The following TNNI3K variants were observed in gnomAD, a reference collection of about 807,000 sequenced individuals.
TNNI3K encodes TNNI3 interacting kinase, also known as serine/threonine-protein kinase TNNI3K.
In TNNI3K, 140 loss-of-function variants were observed where a neutral mutation model predicts 114.5. The observed-to-expected ratio is 1.22, with a 90% CI of 1.07 to 1.41. The LOEUF (loss-of-function observed/expected upper bound fraction) is 1.41, where lower values mean the gene tolerates loss of function less well. Among genes scored for constraint, TNNI3K ranks in the 40% most tolerant of loss-of-function variants. The pLI, the probability that TNNI3K is intolerant of heterozygous loss-of-function variation, is 0.00. For missense variants in TNNI3K, 1,125 were observed against 1,007.6 expected (o/e 1.12, Z -1.58); for synonymous variants, 347 against 347.5 (o/e 1.00, Z 0.02).
intron 5 of TNNI3K, among the ~76,000 whole-genome samples, chr1:74,282,916 G>A (rs1240158123): frequency 2.0e-5 from 3 of 151,998 alleles, no homozygotes; most frequent in East Asian, 1.9e-4. Flanking sequence ...GGAAAACATC[G>A]CAAGGGCCAA....
chr1:74,335,579 C>T (rs1359990829), intron 6 of TNNI3K, among the ~76,000 whole-genome samples: 2 of 152,078 alleles, frequency 1.3e-5, no homozygotes, highest in Non-Finnish European at 2.9e-5. Flanking sequence ...TTCCCCTTGC[C>T]CAGGGATTGG....
At chr1:74,482,318 G>A (rs990197977) in intron 21 of TNNI3K, among the ~76,000 whole-genome samples, 1 of 152,196 alleles carries the variant, frequency 6.6e-6, no homozygotes, top group African/African-American at 2.4e-5. Flanking sequence ...TTCTGTAAAT[G>A]AGAAGGGGGA....
chr1:74,310,391 T>C (rs1252235369), intron 5 of TNNI3K, among the ~76,000 whole-genome samples: 1 of 152,184 alleles, frequency 6.6e-6, no homozygotes, highest in African/African-American at 2.4e-5. Context: ...ATGTCCATAC[T>C]GCTCCAAGCA....
intron 23 of TNNI3K, among the ~76,000 whole-genome samples, chr1:74,510,136 G>A (rs1570721021): frequency 6.6e-6 from 1 of 150,908 alleles, no homozygotes; most frequent in East Asian, 1.9e-4. Flanking sequence ...ACTTAGAGAT[G>A]TTTAACTACA....
intron 21 of TNNI3K, chr1:74,475,928 G>A (rs1367709600): frequency 2.2e-6 from 1 of 464,580 alleles, no homozygotes; most frequent in African/African-American, 2.0e-5. Context: ...GAATGGGTAG[G>A]AAGTCCTTCA....
chr1:74,366,347 A>G (rs533285494), intron 11 of TNNI3K, among the ~76,000 whole-genome samples: 3 of 152,170 alleles, frequency 2.0e-5, no homozygotes, highest in African/African-American at 4.8e-5. Context: ...GTTTAATTTT[A>G]TTGAAAAACA....
At chr1:74,418,075 C>G (rs140719843) in intron 17 of TNNI3K, 6,112 of 390,080 alleles carry the variant, frequency 0.016, 64 homozygotes, top group Non-Finnish European at 0.022. Flanking sequence ...CTCTTACATT[C>G]AAGCAATGGA....
At chr1:74,451,426 A>AT (rs1306011681) in intron 20 of TNNI3K, among the ~76,000 whole-genome samples, 7 of 151,988 alleles carry the variant, frequency 4.6e-5, no homozygotes, top group Non-Finnish European at 1.0e-4. Context: ...TCAATGTCCA[A>AT]TTTTTTGCTA....
chr1:74,417,682 TTGTGTGTGTGTGTGTG>T (rs10529693), intron 17 of TNNI3K, among the ~76,000 whole-genome samples: 79,491 of 137,166 alleles, frequency 0.58, 24,504 homozygotes, highest in Admixed American at 0.7. Context: ...GTGTACGTGT[TTGTGTGTGTGTGTGTG>T]TGTGTGTGTG....
chr1:74,401,892 G>A (rs1363019124), intron 17 of TNNI3K: 6 of 453,568 alleles, frequency 1.3e-5, no homozygotes, highest in African/African-American at 1.0e-4. Flanking sequence ...ATCTGGAGGG[G>A]AGCTCATTAC....
Position 74,359,368 on chromosome 1 carries a change from T to G in TNNI3K, c.1177+5239T>G, listed in dbSNP as rs926716670. On this transcript the variant is annotated intron_variant, in intron 11 of 24. Coordinates refer to ENST00000326637, the MANE Select transcript of TNNI3K (RefSeq NM_015978.3). The stretch of plus-strand genomic sequence containing the variant: ...AATCGAATCCACATAACTCCCAAAT[T>G]TCATGGTCTTTCCTAATTTATAACA... Among the ~76,000 whole-genome samples, 3 of 151,882 alleles carry G rather than the reference T, an allele frequency of 2.0e-5. No homozygotes were observed. The South Asian group carries it at 6.2e-4, about 32-fold the overall frequency.
intron 17 of TNNI3K, chr1:74,371,349 G>C (rs1425954514): frequency 2.0e-5 from 3 of 151,750 alleles, no homozygotes; most frequent in African/African-American, 7.3e-5. Flanking sequence ...TACATTCAGG[G>C]AGTTTTCACA....
At chr1:74,450,164 A>G (rs1273469216) in intron 20 of TNNI3K, among the ~76,000 whole-genome samples, 1 of 149,344 alleles carries the variant, frequency 6.7e-6, no homozygotes, top group Non-Finnish European at 1.5e-5. Flanking sequence ...TACTGGGTAC[A>G]TAACGAAATG....
intron 9 of TNNI3K, among the ~76,000 whole-genome samples, chr1:74,349,170 C>A (rs1661190758): frequency 6.6e-6 from 1 of 152,104 alleles, no homozygotes; most frequent in Admixed American, 6.5e-5. Context: ...AGATACATCC[C>A]ATCAATACCT....
intron 23 of TNNI3K, among the ~76,000 whole-genome samples, chr1:74,521,390 C>G (rs1055043816): frequency 6.6e-6 from 1 of 152,066 alleles, no homozygotes; most frequent in Non-Finnish European, 1.5e-5. Flanking sequence ...AAAACAATAC[C>G]TGGCACATAG....
intron 2 of TNNI3K, among the ~76,000 whole-genome samples, chr1:74,237,727 A>G (rs1653943396): frequency 6.6e-6 from 1 of 151,880 alleles, no homozygotes; most frequent in Non-Finnish European, 1.5e-5. Flanking sequence ...TCTGATTAGC[A>G]TTGGGGGTGA....
intron 17 of TNNI3K, among the ~76,000 whole-genome samples, chr1:74,429,521 G>A (rs1334131484): frequency 1.3e-5 from 2 of 152,096 alleles, no homozygotes; most frequent in African/African-American, 4.8e-5. Context: ...AGTTCATGAG[G>A]GGTTTTCAAG....
At chr1:74,470,690 A>G (rs596204) in intron 21 of TNNI3K, 261,291 of 400,350 alleles carry the variant, frequency 0.65, 88,085 homozygotes, top group African/African-American at 0.89. Flanking sequence ...ATTTGATGTG[A>G]TATTTGGGGT....
chr1:74,540,314 G>T lies in TNNI3K; in HGVS notation c.2431+1G>T. 1 of 1,610,460 alleles carries T rather than the reference G, an allele frequency of 6.2e-7. No individual in the cohort carries two copies. Among genetic ancestry groups the T allele is most frequent in the Non-Finnish European group, 8.5e-7 (1 of 1,178,078 alleles). On this transcript the variant is annotated splice_donor_variant, in intron 24 of 24. Transcript: ENST00000326637. LOFTEE classifies it high-confidence loss of function. ...CAATACACACCCATTGACAAATATG[G>T]TAAGTAGGCAGATTCTTTAGGTTTG...
Sources: gnomAD v4.1 joint callset for allele counts (sites outside exome capture counted in the v4.1 genomes callset) on GRCh38, gnomAD v4.1.1 for gene constraint, MANE v1.5 for transcripts, NCBI Gene and HGNC (gene_info 2026-07-23, HGNC 2026-07-21) for gene names.